Variants in SIRPG observed in about 807,000 individuals in gnomAD.
The protein encoded by SIRPG is signal-regulatory protein gamma.
In SIRPG, 38 loss-of-function variants were observed where a neutral mutation model predicts 35.7. The ratio of observed to expected loss-of-function variants is 1.06; its 90% CI spans 0.82 to 1.40. The LOEUF (loss-of-function observed/expected upper bound fraction) is 1.40, where lower values mean the gene tolerates loss of function less well. Among genes scored for constraint, SIRPG ranks in the 40% most tolerant of loss-of-function variants. The pLI, the probability that SIRPG is intolerant of heterozygous loss-of-function variation, is 0.00. For synonymous variants in SIRPG, 215 were observed against 190.4 expected, an observed-to-expected ratio of 1.13 and a Z score of -1.06; for missense variants, 519 against 483.0, an observed-to-expected ratio of 1.07 and a Z score of -0.70.
chr20:1,671,466 G>A, the SIRPG span, among the ~76,000 whole-genome samples: 4 of 152,270 alleles, frequency 2.6e-5, no homozygotes, highest in East Asian at 5.8e-4. Context: ...CTCCCTCTGT[G>A]TATGGACTGG....
chr20:1,674,141 C>G, the SIRPG span, among the ~76,000 whole-genome samples: 2 of 152,174 alleles, frequency 1.3e-5, no homozygotes, highest in Non-Finnish European at 2.9e-5. Context: ...TCACTGAGAA[C>G]TTTGCATGCC....
chr20:1,633,025 G>A (rs1468399503), intron 4 of SIRPG, among the ~76,000 whole-genome samples: 1 of 152,128 alleles, frequency 6.6e-6, no homozygotes, highest in Non-Finnish European at 1.5e-5. Context: ...GAAGAAAACA[G>A]AAATGGCATA....
In SIRPG at chr20:1,635,722, G is replaced by A; in HGVS notation, c.749-123C>T. On this transcript the variant is annotated intron_variant, in intron 3 of 5. Coordinates refer to ENST00000303415, the MANE Select transcript of SIRPG (RefSeq NM_018556.4). ...CCAGGACAGTGCTAGGCAGGCAGCA[G>A]ATGCTAAGACATTGAGGGCGCTCTT... 4.8e-6 allele frequency: 5 copies of A among 1,039,932 alleles called. No individual in the cohort carries two copies. The South Asian group carries it at 4.8e-5, about 10-fold the overall frequency. The allele number at this position is 1,039,932 out of a possible 1,614,324, so 64.4% of individuals were successfully genotyped here. A position where few individuals can be genotyped will look rare whatever the true frequency, so the allele number is the denominator to read the frequency against.
intron 4 of SIRPG, chr20:1,630,508 T>G (rs1363281457): frequency 5.5e-6 from 3 of 544,688 alleles, no homozygotes; most frequent in Non-Finnish European, 9.7e-6. Flanking sequence ...CTGTCCCAGG[T>G]TGCCAGCTTA....
intron 4 of SIRPG, chr20:1,630,950 G>A (rs766582475): frequency 6.6e-6 from 1 of 152,110 alleles, no homozygotes; most frequent in Non-Finnish European, 1.5e-5. Context: ...AAACATCCTG[G>A]TGAGTCACGG....
At chr20:1,650,621 G>A (rs1329178542) in intron 1 of SIRPG, among the ~76,000 whole-genome samples, 1 of 152,076 alleles carries the variant, frequency 6.6e-6, no homozygotes, top group Non-Finnish European at 1.5e-5. Flanking sequence ...CTATCAAGTG[G>A]ATTGAAATAC....
At chr20:1,636,608 C>A in intron 2 of SIRPG, 103 bp from the exon 3 acceptor site, 1 of 1,238,372 alleles carries the variant, frequency 8.1e-7, no homozygotes, top group Non-Finnish European at 1.1e-6. Context: ...TAATTTTAAT[C>A]CTTCTAATAA....
At chr20:1,647,692 T>C (rs1449957361) in intron 2 of SIRPG, 2 of 152,208 alleles carry the variant, frequency 1.3e-5, no homozygotes, top group African/African-American at 2.4e-5. Context: ...TTTCCATAAA[T>C]TGGAGTGTTC....
At chr20:1,678,468 G>T in the SIRPG span, among the ~76,000 whole-genome samples, 2 of 150,258 alleles carry the variant, frequency 1.3e-5, no homozygotes, top group African/African-American at 5.0e-5. Context: ...TCTCTAACAA[G>T]TGAGCAGGTG....
intron 2 of SIRPG, among the ~76,000 whole-genome samples, chr20:1,640,150 T>G (rs201313942): frequency 6.6e-6 from 1 of 152,194 alleles, no homozygotes; most frequent in East Asian, 1.9e-4. Flanking sequence ...TTTTTTCTAA[T>G]TCTGTGAAGA....
chr20:1,646,513 G>T (rs2091898619), intron 2 of SIRPG: 1 of 152,262 alleles, frequency 6.6e-6, no homozygotes, highest in Non-Finnish European at 1.5e-5. Context: ...TGGGGGGAGA[G>T]TCCTAAACGC....
At chr20:1,665,665 C>T in the SIRPG span, among the ~76,000 whole-genome samples, 1 of 152,166 alleles carries the variant, frequency 6.6e-6, no homozygotes, top group Non-Finnish European at 1.5e-5. Context: ...GCAAGGAAGC[C>T]ATGGACTTGT....
intron 1 of SIRPG, among the ~76,000 whole-genome samples, 169 bp downstream of exon 1, chr20:1,657,473 C>T (rs2091982122): frequency 6.6e-6 from 1 of 152,224 alleles, no homozygotes; most frequent in Non-Finnish European, 1.5e-5. Context: ...TAGCCAGCTG[C>T]AGATCCACAG....
the SIRPG span, among the ~76,000 whole-genome samples, chr20:1,664,583 T>C: frequency 2.0e-5 from 3 of 152,160 alleles, no homozygotes; most frequent in African/African-American, 4.8e-5. Context: ...CTCAGGACCA[T>C]GTGTGAAGAC....
chr20:1,632,854 C>G (rs376191011), intron 4 of SIRPG, among the ~76,000 whole-genome samples: 2 of 151,424 alleles, frequency 1.3e-5, no homozygotes, highest in Non-Finnish European at 2.9e-5. Context: ...AAAAGTAGAG[C>G]AAAATAAACT....
At chr20:1,678,951 AG>A in the SIRPG span, among the ~76,000 whole-genome samples, 12 of 152,172 alleles carry the variant, frequency 7.9e-5, no homozygotes, top group Admixed American at 7.9e-4. Flanking sequence ...ATGCTGAAAG[AG>A]GAAAAACCTA....
chr20:1,635,215 A>G (rs2091786866), intron 4 of SIRPG, 52 bp downstream of exon 4: 2 of 1,413,322 alleles, frequency 1.4e-6, no homozygotes, highest in Admixed American at 2.1e-5. Flanking sequence ...TGTGGATATT[A>G]CTTTTAAAAT....
intron 1 of SIRPG, among the ~76,000 whole-genome samples, chr20:1,649,868 T>G (rs2091927685): frequency 6.6e-6 from 1 of 150,642 alleles, no homozygotes; most frequent in South Asian, 2.1e-4. Context: ...TGAGTGCAAG[T>G]GATCCACTTG....
rs2091966968 is a variant in SIRPG, at chr20:1,655,039, G to A, written c.73+2603C>T. 2.0e-5 allele frequency among the ~76,000 whole-genome samples: 3 copies of A among 152,202 alleles called. No homozygotes were observed. In the South Asian group the frequency reaches 6.2e-4, roughly 32 times the overall value. On this transcript the variant is annotated intron_variant, in intron 1 of 5. Coordinates refer to ENST00000303415, the MANE Select transcript of SIRPG (RefSeq NM_018556.4). ...CAAAAAGAGGAAATTTAGTATTGGA[G>A]AAGATGTGGAGAAAAGGGAACCCTT...
Sources: allele counts gnomAD v4.1 joint callset (sites outside exome capture counted in the v4.1 genomes callset), GRCh38; gene constraint gnomAD v4.1.1; transcripts MANE v1.5; gene names NCBI Gene and HGNC (gene_info 2026-07-23, HGNC 2026-07-21).